ERICH1: variants seen among roughly 807,000 people sequenced by gnomAD.
The protein encoded by ERICH1 is glutamate-rich protein 1.
A neutral mutation model predicts 39.6 loss-of-function variants in ERICH1; 56 were observed. The ratio of observed to expected loss-of-function variants is 1.41; its 90% CI spans 1.14 to 1.77. The LOEUF (loss-of-function observed/expected upper bound fraction) is 1.77, where lower values mean the gene tolerates loss of function less well. Ranked by LOEUF, ERICH1 falls within the 40% of genes most tolerant of loss-of-function variation. ERICH1 has a pLI of 0.00. For missense variants in ERICH1, 826 were observed against 575.4 expected, an observed-to-expected ratio of 1.44 and a Z score of -4.45; for synonymous variants, 313 against 223.6, an observed-to-expected ratio of 1.40 and a Z score of -3.57.
At chr8:677,885 C>T (rs752719108) in intron 3 of ERICH1, among the ~76,000 whole-genome samples, 2 of 152,168 alleles carry the variant, frequency 1.3e-5, no homozygotes, top group Non-Finnish European at 2.9e-5. Context: ...CAGGCTCCTC[C>T]CGGCACGTCC....
intron 3 of ERICH1, among the ~76,000 whole-genome samples, chr8:635,338 C>G (rs375142270): frequency 1.3e-5 from 2 of 152,192 alleles, no homozygotes; most frequent in Non-Finnish European, 2.9e-5. Context: ...CCGGGTATAA[C>G]GGATAAACGC....
intron 3 of ERICH1, among the ~76,000 whole-genome samples, chr8:630,888 C>A (rs1797979782): frequency 9.6e-6 from 1 of 104,272 alleles, no homozygotes; most frequent in African/African-American, 3.2e-5. Context: ...TGTGACCACC[C>A]ACAGACAGAG....
At chr8:644,247 C>G (rs1388084187) in intron 3 of ERICH1, among the ~76,000 whole-genome samples, 1 of 152,256 alleles carries the variant, frequency 6.6e-6, no homozygotes, top group Non-Finnish European at 1.5e-5. Context: ...GCCTGGCCTC[C>G]TGCTCTTCGG....
At chr8:665,477 G>A (rs1035158625) in intron 5 of ERICH1, among the ~76,000 whole-genome samples, 3 of 152,202 alleles carry the variant, frequency 2.0e-5, no homozygotes. Flanking sequence ...CCAAGCCACA[G>A]ACAACAGAAG....
chr8:723,105 T>A (rs1341845982), intron 1 of ERICH1, among the ~76,000 whole-genome samples: 1 of 152,158 alleles, frequency 6.6e-6, no homozygotes, highest in Non-Finnish European at 1.5e-5. Flanking sequence ...CTTGGAGATC[T>A]GGGTACTTAA....
chr8:674,774 T>G (rs1477920668), intron 3 of ERICH1, among the ~76,000 whole-genome samples: 3 of 152,234 alleles, frequency 2.0e-5, no homozygotes, highest in Non-Finnish European at 4.4e-5. Flanking sequence ...CCCATCTGAG[T>G]CAGCATCAGG....
At position 615,447 on chromosome 8, in the gene ERICH1, G is replaced by A. The variant is rs191302676; in HGVS notation, c.977-163C>T. On this transcript the variant is annotated intron_variant, in intron 3 of 3. Transcript: ENST00000522706. ...AAACAGAACAATGATCAAAGCAATGGTCACAATAGTGCCTGGGGTGGCTGT... is the reference window on the plus strand; with the variant it reads ...AAACAGAACAATGATCAAAGCAATGATCACAATAGTGCCTGGGGTGGCTGT... 102 of 488,884 alleles carry A rather than the reference G, an allele frequency of 2.1e-4. 1 individual carries two copies. The highest frequency in any genetic ancestry group is 2.0e-3 in the African/African-American group (100 of 50,418). 30.3% of individuals were successfully genotyped at this position (488,884 alleles called of 1,614,324 possible). A position where few individuals can be genotyped will look rare whatever the true frequency, so the allele number is the denominator to read the frequency against.
At chr8:661,331 C>T (rs561709416), downstream of ERICH1, among the ~76,000 whole-genome samples, 1 of 152,224 alleles carries the variant, frequency 6.6e-6, no homozygotes, top group African/African-American at 2.4e-5. Context: ...TGGAGCCTGG[C>T]GGCAGCTGGG....
intron 1 of ERICH1, among the ~76,000 whole-genome samples, chr8:724,713 C>T (rs1329200931): frequency 1.3e-5 from 2 of 152,234 alleles, no homozygotes; most frequent in Non-Finnish European, 2.9e-5. Flanking sequence ...TTTCATTAAA[C>T]ATTGGCTTTT....
intron 3 of ERICH1, among the ~76,000 whole-genome samples, chr8:629,145 C>G (rs1357046243): frequency 2.6e-5 from 4 of 152,190 alleles, no homozygotes; most frequent in Non-Finnish European, 5.9e-5. Context: ...TCACACATGC[C>G]AAACTGAGCA....
At chr8:636,426 C>G (rs995122316) in intron 3 of ERICH1, among the ~76,000 whole-genome samples, 1 of 152,238 alleles carries the variant, frequency 6.6e-6, no homozygotes, top group Non-Finnish European at 1.5e-5. Flanking sequence ...ATAGAAAATA[C>G]TCTTAGCTGT....
intron 1 of ERICH1, among the ~76,000 whole-genome samples, 184 bp downstream of exon 1, chr8:730,956 G>C (rs1315083884): frequency 2.0e-5 from 3 of 152,202 alleles, no homozygotes; most frequent in African/African-American, 7.2e-5. Flanking sequence ...CACGGGCGAG[G>C]GGTGGGCCGC....
downstream of ERICH1, among the ~76,000 whole-genome samples, chr8:663,759 T>G (rs1365939262): frequency 1.5e-5 from 2 of 137,012 alleles, no homozygotes; most frequent in African/African-American, 3.0e-5. Flanking sequence ...TGACTGATGG[T>G]TTTTTTTTTT....
chr8:677,069 C>G (rs1010642254), intron 3 of ERICH1, among the ~76,000 whole-genome samples: 1 of 152,238 alleles, frequency 6.6e-6, no homozygotes, highest in Non-Finnish European at 1.5e-5. Flanking sequence ...ACACCGCCCT[C>G]AAAGCCCAGG....
chr8:617,853 C>A (rs563280188), intron 3 of ERICH1, among the ~76,000 whole-genome samples: 2 of 144,880 alleles, frequency 1.4e-5, no homozygotes, highest in Non-Finnish European at 3.0e-5. Flanking sequence ...TCTGAGTGCT[C>A]AGTACTGAGT....
rs1283684981 is a variant in ERICH1, at chr8:647,838, C to T, written c.976+20760G>A. On this transcript the variant is annotated intron_variant, in intron 3 of 3. Transcript: ENST00000522706. Reference sequence around the variant, plus strand: ...TTCAGGGGAGATGGGGCCCTGCCCACGGGGCCAGCTGGACTCTGAGTCTTT... The same window carrying T: ...TTCAGGGGAGATGGGGCCCTGCCCATGGGGCCAGCTGGACTCTGAGTCTTT... Among the ~76,000 whole-genome samples, 4 of 67,588 alleles carry T rather than the reference C, an allele frequency of 5.9e-5. 2 individuals are homozygous for T. Among genetic ancestry groups the T allele is most frequent in the Non-Finnish European group, 1.8e-4 (4 of 21,956 alleles). 44.3% of individuals were successfully genotyped at this position (67,588 alleles called of 152,430 possible).
chr8:668,824 G>C lies in ERICH1; in HGVS notation c.1064-32C>G, dbSNP rs1185215664. Reference sequence around the variant, plus strand: ...AAAGTCAGTTTTGCTTGGAAATACAGTTTTGTTTTTATTTCTATAAACTAA... The same window carrying C: ...AAAGTCAGTTTTGCTTGGAAATACACTTTTGTTTTTATTTCTATAAACTAA... On this transcript the variant is annotated intron_variant, in intron 4 of 5. Coordinates refer to ENST00000262109, the MANE Select transcript of ERICH1 (RefSeq NM_207332.3). 1.9e-6 allele frequency: 3 copies of C among 1,552,642 alleles called. No homozygotes were observed. In the East Asian group the frequency reaches 6.8e-5, roughly 35 times the overall value.
chr8:722,826 G>A (rs1214545066), intron 1 of ERICH1, among the ~76,000 whole-genome samples: 2 of 152,236 alleles, frequency 1.3e-5, no homozygotes, highest in African/African-American at 4.8e-5. Flanking sequence ...ATTTCAAAAT[G>A]TGGCTGCTCA....
rs117239736 is a variant in ERICH1 at position 699,784 on chromosome 8, C to A, written c.170-7172G>T. Among the ~76,000 whole-genome samples, 21 of 97,010 alleles carry A rather than the reference C, an allele frequency of 2.2e-4. 1 individual carries two copies. Among genetic ancestry groups the A allele is most frequent in the Admixed American group, 9.4e-4 (8 of 8,542 alleles). The allele number at this position is 97,010 out of a possible 152,430, so 63.6% of individuals were successfully genotyped here. ...TCACACAGCCGCACAGACCCGCACA[C>A]GCGCACAGACCCGCACACGCGCACA... On this transcript the variant is annotated intron_variant, in intron 2 of 5. Coordinates refer to ENST00000262109, the MANE Select transcript of ERICH1 (RefSeq NM_207332.3).
Sources: gnomAD v4.1 joint callset for allele counts (sites outside exome capture counted in the v4.1 genomes callset) on GRCh38, gnomAD v4.1.1 for gene constraint, MANE v1.5 for transcripts, NCBI Gene and HGNC (gene_info 2026-07-23, HGNC 2026-07-21) for gene names.